PLA2G7: variants seen among roughly 807,000 people sequenced by gnomAD.
The protein encoded by PLA2G7 is phospholipase A2 group VII.
A neutral mutation model predicts 49.6 loss-of-function variants in PLA2G7; 63 were observed. The ratio of observed to expected loss-of-function variants is 1.27; its 90% CI spans 1.04 to 1.57. PLA2G7 has a LOEUF of 1.57. Among genes scored for constraint, PLA2G7 ranks in the 40% most tolerant of loss-of-function variants. The pLI is 0.00. For missense variants in PLA2G7, 596 were observed against 521.2 expected (o/e 1.14, Z -1.40); for synonymous variants, 193 against 169.9 (o/e 1.14, Z -1.06).
rs1391216992 is a variant in PLA2G7 at position 46,708,082 on chromosome 6, T to C, written c.949A>G (p.Ile317Val). ...YSRIPQPLFF[I>V]NSEYFQYPAN... ...GGATATTGGAAATATTCAGAGTTGA[T>C]AAAAAAGAGGGGCTGAGGAATTCTG... The change falls in exon 10 of 12, where the codon ATC becomes GTC. Residue 317 changes from isoleucine (I) to valine (V), a missense_variant. Coordinates refer to ENST00000274793, the MANE Select transcript of PLA2G7 (RefSeq NM_005084.4). 2 of 1,607,950 alleles carry C rather than the reference T, an allele frequency of 1.2e-6. No homozygotes were observed. Among genetic ancestry groups the C allele is most frequent in the Admixed American group, 1.7e-5 (1 of 59,946 alleles).
intron 1 of PLA2G7, among the ~76,000 whole-genome samples, chr6:46,725,816 C>G (rs1344475715): frequency 6.6e-6 from 1 of 152,172 alleles, no homozygotes; most frequent in Non-Finnish European, 1.5e-5. Context: ...TACATGCACA[C>G]TGAAGGGGCC....
intron 1 of PLA2G7, among the ~76,000 whole-genome samples, chr6:46,730,226 G>C (rs926569879): frequency 6.6e-6 from 1 of 152,222 alleles, no homozygotes; most frequent in African/African-American, 2.4e-5. Context: ...TTTTAATGTG[G>C]AAAACCTAGG....
chr6:46,723,887 T>C (rs1392032058), intron 1 of PLA2G7, among the ~76,000 whole-genome samples: 2 of 152,174 alleles, frequency 1.3e-5, no homozygotes, highest in Non-Finnish European at 2.9e-5. Context: ...ACATAACCTT[T>C]ACTCAACACA....
chr6:46,735,325 G>A lies in PLA2G7; in HGVS notation c.-180C>T. ...GACCAGCCGCTGTCCCCCTGGCTGCGGGCCGAGCAGCTCTGGCAGGCGGCG... is the reference window on the plus strand; with the variant it reads ...GACCAGCCGCTGTCCCCCTGGCTGCAGGCCGAGCAGCTCTGGCAGGCGGCG... On this transcript the variant is annotated 5_prime_UTR_variant, in exon 1 of 12. Transcript: ENST00000274793. 1 of 152,512 alleles carries A rather than the reference G, an allele frequency of 6.6e-6. No individual in the cohort carries two copies. The highest frequency in any genetic ancestry group is 1.9e-4 in the East Asian group (1 of 5,208). The allele number at this position is 152,512 out of a possible 1,614,324, so 9.4% of individuals were successfully genotyped here.
At chr6:46,729,577 G>A (rs1366256617) in intron 1 of PLA2G7, among the ~76,000 whole-genome samples, 2 of 152,294 alleles carry the variant, frequency 1.3e-5, no homozygotes, top group East Asian at 3.9e-4. Context: ...AAGACAAAGA[G>A]GTTAAATAAC....
intron 1 of PLA2G7, among the ~76,000 whole-genome samples, chr6:46,729,650 A>G (rs1383763368): frequency 6.6e-6 from 1 of 152,152 alleles, no homozygotes; most frequent in African/African-American, 2.4e-5. Context: ...CCCGGACCCT[A>G]AAGTAGGAAT....
chr6:46,705,546 C>G (rs770019224), intron 10 of PLA2G7, among the ~76,000 whole-genome samples: 20 of 152,232 alleles, frequency 1.3e-4, no homozygotes, highest in Non-Finnish European at 2.8e-4. Context: ...TGCTTGGTAT[C>G]TTGATTTTAG....
chr6:46,712,411 G>A lies in PLA2G7; in HGVS notation c.471-74C>T, dbSNP rs112883170. On this transcript the variant is annotated intron_variant, in intron 5 of 11. Coordinates refer to ENST00000274793, the MANE Select transcript of PLA2G7 (RefSeq NM_005084.4). The stretch of plus-strand genomic sequence containing the variant: ...AGGCTGAGTCCACTAATAAAACTGG[G>A]AACATGGAGGCCATTACACCCCTGT... The A allele has an allele frequency of 2.0e-4, 219 of 1,105,926 alleles. No individual in the cohort carries two copies. In the African/African-American group the frequency reaches 2.6e-3, roughly 13 times the overall value. The allele number at this position is 1,105,926 out of a possible 1,614,324, so 68.5% of individuals were successfully genotyped here.
intron 8 of PLA2G7, among the ~76,000 whole-genome samples, chr6:46,709,913 T>C (rs901394093): frequency 1.3e-5 from 2 of 152,090 alleles, no homozygotes; most frequent in African/African-American, 4.8e-5. Flanking sequence ...GAAGTGGGTA[T>C]TGGGGTCCAA....
At chr6:46,714,596 G>A (rs1241279527) in intron 4 of PLA2G7, 43 bp from the exon 5 acceptor site, 1 of 1,136,982 alleles carries the variant, frequency 8.8e-7, no homozygotes, top group East Asian at 2.3e-5. Context: ...TTCTCTGAGT[G>A]TTGCTAGTGA....
At chr6:46,719,668 T>C (rs1337413426) in intron 2 of PLA2G7, among the ~76,000 whole-genome samples, 1 of 152,116 alleles carries the variant, frequency 6.6e-6, no homozygotes, top group Non-Finnish European at 1.5e-5. Context: ...GCCTAGTTGC[T>C]CCCCTCTCTG....
chr6:46,720,118 C>A (rs1307304516), intron 2 of PLA2G7, among the ~76,000 whole-genome samples: 1 of 152,174 alleles, frequency 6.6e-6, no homozygotes, highest in Admixed American at 6.5e-5. Context: ...TGCAACCCCA[C>A]CCCTAGGCAG....
At chr6:46,725,752 C>T (rs994837859) in intron 1 of PLA2G7, among the ~76,000 whole-genome samples, 7 of 152,098 alleles carry the variant, frequency 4.6e-5, no homozygotes, top group African/African-American at 7.2e-5. Context: ...GTTATCTCTT[C>T]GCAAATAATG....
chr6:46,712,463 G>T, intron 5 of PLA2G7, 126 bp from the exon 6 acceptor site: 1 of 707,794 alleles, frequency 1.4e-6, no homozygotes, highest in East Asian at 2.8e-5. Flanking sequence ...GGAGTGGAGA[G>T]CTACGGTTCT....
chr6:46,711,087 G>T (rs1284490567), intron 7 of PLA2G7, among the ~76,000 whole-genome samples: 2 of 152,290 alleles, frequency 1.3e-5, no homozygotes, highest in Non-Finnish European at 2.9e-5. Context: ...AAATTAAGTG[G>T]TGGAGCCAGG....
chr6:46,730,428 G>C (rs1399612924), intron 1 of PLA2G7, among the ~76,000 whole-genome samples: 2 of 152,192 alleles, frequency 1.3e-5, no homozygotes, highest in Admixed American at 1.3e-4. Flanking sequence ...ACATGAAGGT[G>C]AAAGTATAAC....
In PLA2G7 at chr6:46,716,540, G is replaced by C. The variant is rs2150701211; in HGVS notation, c.232-12C>G. 6.2e-7 allele frequency: 1 copy of C among 1,612,912 alleles called. No individual in the cohort carries two copies. Among genetic ancestry groups the C allele is most frequent in the African/African-American group, 1.3e-5 (1 of 75,022 alleles). ...CGCAAGAAGGTGCCCTGTTAAGAAAGAAATTAATGCACTTTTAGAGAAGTT... is the reference window on the plus strand; with the variant it reads ...CGCAAGAAGGTGCCCTGTTAAGAAACAAATTAATGCACTTTTAGAGAAGTT... On this transcript the variant is annotated splice_polypyrimidine_tract_variant and intron_variant, in intron 3 of 11. Coordinates refer to ENST00000274793, the MANE Select transcript of PLA2G7 (RefSeq NM_005084.4).
Position 46,704,434 on chromosome 6 carries a change from A to C in PLA2G7, c.*126T>G. The C allele has an allele frequency of 1.1e-5, 8 of 701,588 alleles. No individual in the cohort carries two copies. The highest frequency in any genetic ancestry group is 5.4e-5 in the East Asian group (2 of 36,760). The allele number at this position is 701,588 out of a possible 1,614,324, so 43.5% of individuals were successfully genotyped here. ...AAATATGAGTCCTTTGGGAAAATAC[A>C]TTAAAATTCTCTCTCTCTCTCTCTC... is the stretch of plus-strand genomic sequence containing the variant. On this transcript the variant is annotated 3_prime_UTR_variant, in exon 12 of 12. Transcript: ENST00000274793.
chr6:46,704,745 A>G (rs201636926), intron 11 of PLA2G7, 49 bp from the exon 12 acceptor site: 49 of 1,216,976 alleles, frequency 4.0e-5, no homozygotes, highest in Non-Finnish European at 5.9e-5. Context: ...TGAGAGCATT[A>G]AACAGTTTGG....
Sources: gnomAD v4.1 joint callset for allele counts (sites outside exome capture counted in the v4.1 genomes callset) on GRCh38, gnomAD v4.1.1 for gene constraint, MANE v1.5 for transcripts, NCBI Gene and HGNC (gene_info 2026-07-23, HGNC 2026-07-21) for gene names.